DLGAP1: variants seen among roughly 807,000 people sequenced by gnomAD.
The protein encoded by DLGAP1 is DLG associated protein 1.
A neutral mutation model predicts 90.8 loss-of-function variants in DLGAP1; 11 were observed. The ratio of observed to expected loss-of-function variants is 0.12; its 90% CI spans 0.08 to 0.20. The LOEUF is 0.20. Among genes scored for constraint, DLGAP1 ranks in the 10% least tolerant of loss-of-function variants. DLGAP1 has a pLI of 1.00. For missense variants in DLGAP1, 1,050 were observed against 1,333.8 expected (o/e 0.79, Z 3.31); for synonymous variants, 558 against 540.7 (o/e 1.03, Z -0.44).
intron 9 of DLGAP1, among the ~76,000 whole-genome samples, chr18:3,562,719 T>C (rs568901754): frequency 2.1e-4 from 32 of 151,360 alleles, no homozygotes; most frequent in African/African-American, 7.5e-4. Flanking sequence ...TAATTTTTTT[T>C]TTTTTTGAGA....
chr18:4,069,579 A>T (rs1164657936), intron 2 of DLGAP1, among the ~76,000 whole-genome samples: 2 of 151,572 alleles, frequency 1.3e-5, no homozygotes, highest in Non-Finnish European at 2.9e-5. Context: ...AGTGTGTGGC[A>T]CCTCCCCCAT....
chr18:3,611,900 C>T (rs1199578130), intron 7 of DLGAP1, among the ~76,000 whole-genome samples: 4 of 152,358 alleles, frequency 2.6e-5, no homozygotes, highest in African/African-American at 7.2e-5. Context: ...GAGAATTTAA[C>T]ATCCCAGATC....
chr18:4,324,095 A>G (rs1388118774), intron 1 of DLGAP1, among the ~76,000 whole-genome samples: 1 of 152,036 alleles, frequency 6.6e-6, no homozygotes, highest in Non-Finnish European at 1.5e-5. Flanking sequence ...GTTCTTTGAA[A>G]AAAATTAGTA....
At chr18:3,685,545 C>T (rs1450297797) in intron 7 of DLGAP1, among the ~76,000 whole-genome samples, 2 of 119,394 alleles carry the variant, frequency 1.7e-5, no homozygotes, top group South Asian at 2.9e-4. Flanking sequence ...GCCTGGGCGA[C>T]AGAGCGAGAT....
chr18:4,150,124 C>T (rs970163561), intron 2 of DLGAP1, among the ~76,000 whole-genome samples: 1 of 152,202 alleles, frequency 6.6e-6, no homozygotes, highest in East Asian at 1.9e-4. Context: ...TTCCCTGATT[C>T]ACTCTTCCTG....
chr18:4,217,830 T>C (rs1365807717), intron 1 of DLGAP1, among the ~76,000 whole-genome samples: 4 of 152,140 alleles, frequency 2.6e-5, no homozygotes, highest in African/African-American at 9.7e-5. Context: ...ATCTTTATTG[T>C]GTCTTTTGGA....
intron 1 of DLGAP1, among the ~76,000 whole-genome samples, chr18:4,321,023 G>A (rs533595285): frequency 6.2e-4 from 95 of 152,098 alleles, no homozygotes; most frequent in African/African-American, 2.1e-3. Context: ...TATTAACTTC[G>A]TCATCATTTA....
intron 7 of DLGAP1, among the ~76,000 whole-genome samples, chr18:3,587,718 G>T (rs2055973746): frequency 1.3e-5 from 2 of 152,100 alleles, no homozygotes; most frequent in Non-Finnish European, 2.9e-5. Flanking sequence ...CATTGTGAGG[G>T]TCTGTGGCTT....
chr18:3,835,518 G>A (rs1241228581), intron 4 of DLGAP1, among the ~76,000 whole-genome samples: 2 of 151,858 alleles, frequency 1.3e-5, no homozygotes, highest in Non-Finnish European at 2.9e-5. Context: ...GCGTGGTGGC[G>A]CGCGACTGTA....
chr18:3,880,540 C>G (rs1174240632), intron 3 of DLGAP1, among the ~76,000 whole-genome samples: 1 of 152,090 alleles, frequency 6.6e-6, no homozygotes, highest in East Asian at 1.9e-4. Context: ...TAATCAGTGT[C>G]CCCTAAAACA....
intron 7 of DLGAP1, among the ~76,000 whole-genome samples, chr18:3,618,832 G>A (rs949057527): frequency 6.7e-5 from 10 of 149,826 alleles, no homozygotes; most frequent in East Asian, 4.0e-4. Context: ...CCAGCTACTC[G>A]GGATGCTGAG....
At chr18:4,117,131 T>G (rs965387907) in intron 2 of DLGAP1, among the ~76,000 whole-genome samples, 49 of 152,298 alleles carry the variant, frequency 3.2e-4, no homozygotes, top group African/African-American at 1.1e-3. Flanking sequence ...AGACAGCATG[T>G]GAAGACCACG....
chr18:3,668,573 C>T (rs2059963994), intron 7 of DLGAP1, among the ~76,000 whole-genome samples: 1 of 152,130 alleles, frequency 6.6e-6, no homozygotes, highest in Non-Finnish European at 1.5e-5. Flanking sequence ...TCTTCTGTGC[C>T]TTTGGCAAAA....
intron 7 of DLGAP1, among the ~76,000 whole-genome samples, chr18:3,644,681 G>A (rs1464683605): frequency 6.6e-6 from 1 of 152,154 alleles, no homozygotes; most frequent in Non-Finnish European, 1.5e-5. Flanking sequence ...CCAAAGTGCT[G>A]GGATTACAGG....
intron 3 of DLGAP1, among the ~76,000 whole-genome samples, chr18:3,982,841 A>C (rs906016318): frequency 6.6e-6 from 1 of 152,226 alleles, no homozygotes; most frequent in East Asian, 1.9e-4. Context: ...GGAATGGTGG[A>C]AAATCAAAAC....
chr18:3,570,043 T>C (rs965229500), intron 8 of DLGAP1, among the ~76,000 whole-genome samples: 2 of 152,100 alleles, frequency 1.3e-5, no homozygotes, highest in East Asian at 3.9e-4. Context: ...TGCATAGTCA[T>C]ATGCTGTACA....
intron 1 of DLGAP1, among the ~76,000 whole-genome samples, chr18:4,262,041 G>T (rs142571062): frequency 3.0e-4 from 46 of 152,258 alleles, no homozygotes; most frequent in African/African-American, 1.1e-3. Context: ...TAGATCGTTA[G>T]GTACTTTCTA....
chr18:4,333,202 T>C (rs1384076588), intron 1 of DLGAP1, among the ~76,000 whole-genome samples: 1 of 152,028 alleles, frequency 6.6e-6, no homozygotes, highest in Non-Finnish European at 1.5e-5. Flanking sequence ...GGTCAGCTTA[T>C]GCATTTGAAG....
At chr18:3,505,355 C>T (rs1011980056) in intron 11 of DLGAP1, among the ~76,000 whole-genome samples, 6 of 152,064 alleles carry the variant, frequency 3.9e-5, no homozygotes, top group East Asian at 1.9e-4. Context: ...ATGTCACTAT[C>T]GGGCCGGGCG....
Sources: allele counts gnomAD v4.1 joint callset (sites outside exome capture counted in the v4.1 genomes callset), GRCh38; gene constraint gnomAD v4.1.1; transcripts MANE v1.5; gene names NCBI Gene and HGNC (gene_info 2026-07-23, HGNC 2026-07-21).